The following ACTR3B variants were observed in gnomAD, a reference collection of about 807,000 sequenced individuals.
The protein encoded by ACTR3B is actin-related protein 3B.
In ACTR3B, 8 loss-of-function variants were observed where a neutral mutation model predicts 59.0. The observed-to-expected ratio is 0.14, with a 90% CI of 0.08 to 0.24. ACTR3B has a LOEUF of 0.24. Among genes scored for constraint, ACTR3B ranks in the 10% least tolerant of loss-of-function variants. ACTR3B has a pLI of 1.00. For synonymous variants in ACTR3B, 148 were observed against 197.9 expected, an observed-to-expected ratio of 0.75 and a Z score of 2.12; for missense variants, 245 against 552.3, an observed-to-expected ratio of 0.44 and a Z score of 5.58.
At chr7:152,845,482 C>G (rs191079252) in intron 9 of ACTR3B, among the ~76,000 whole-genome samples, 1 of 152,208 alleles carries the variant, frequency 6.6e-6, no homozygotes, top group Non-Finnish European at 1.5e-5. Flanking sequence ...GAGTGCTGAC[C>G]GCAAGGAGCT....
chr7:152,783,399 A>C (rs957714145), intron 2 of ACTR3B, among the ~76,000 whole-genome samples, 157 bp downstream of exon 2: 1 of 152,232 alleles, frequency 6.6e-6, no homozygotes, highest in Non-Finnish European at 1.5e-5. Flanking sequence ...CTTCTGTTCC[A>C]TTCTGATAAA....
At chr7:152,814,884 T>G (rs1795563631) in intron 5 of ACTR3B, among the ~76,000 whole-genome samples, 1 of 152,244 alleles carries the variant, frequency 6.6e-6, no homozygotes, top group African/African-American at 2.4e-5. Flanking sequence ...CATTAAAGTC[T>G]AATGCATTTT....
intron 2 of ACTR3B, 85 bp from the exon 3 acceptor site, chr7:152,800,446 T>C (rs1004872260): frequency 4.7e-6 from 7 of 1,502,378 alleles, no homozygotes; most frequent in South Asian, 4.0e-5. Flanking sequence ...AATTTACTTG[T>C]GTGTATATAA....
intron 2 of ACTR3B, among the ~76,000 whole-genome samples, chr7:152,797,548 G>T (rs1458098920): frequency 1.3e-5 from 2 of 152,126 alleles, no homozygotes; most frequent in Admixed American, 1.3e-4. Context: ...CACATAACAC[G>T]TACTCTACAT....
chr7:152,769,770 T>C (rs1025448792), intron 1 of ACTR3B, among the ~76,000 whole-genome samples: 32 of 152,054 alleles, frequency 2.1e-4, no homozygotes, highest in Non-Finnish European at 3.8e-4. Context: ...GTCCTTTTAT[T>C]TGTGGCTGTT....
intron 1 of ACTR3B, among the ~76,000 whole-genome samples, chr7:152,766,557 C>G (rs533059308): frequency 6.6e-6 from 1 of 152,190 alleles, no homozygotes; most frequent in Non-Finnish European, 1.5e-5. Context: ...TTCTAAGAGA[C>G]AGCAGTCTCA....
chr7:152,835,232 C>T (rs1300863620), intron 9 of ACTR3B, among the ~76,000 whole-genome samples: 1 of 152,214 alleles, frequency 6.6e-6, no homozygotes, highest in Non-Finnish European at 1.5e-5. Context: ...CCAGCCCCTG[C>T]GTCCTCAGGT....
intron 4 of ACTR3B, among the ~76,000 whole-genome samples, chr7:152,804,164 T>A (rs1168410549): frequency 2.0e-5 from 3 of 152,140 alleles, no homozygotes; most frequent in Non-Finnish European, 4.4e-5. Context: ...TTACACTGGT[T>A]ATGTGGACTG....
chr7:152,806,686 A>G (rs2116770020), intron 4 of ACTR3B, among the ~76,000 whole-genome samples: 1 of 152,298 alleles, frequency 6.6e-6, no homozygotes, highest in East Asian at 1.9e-4. Context: ...CTACTACTTG[A>G]GTCTACCTCA....
intron 9 of ACTR3B, among the ~76,000 whole-genome samples, chr7:152,843,919 C>T (rs1798063578): frequency 6.6e-6 from 1 of 152,118 alleles, no homozygotes; most frequent in Non-Finnish European, 1.5e-5. Context: ...CTCCCCGCTC[C>T]TAGATGTGTG....
chr7:152,793,926 GGAGGAGCTCCATGT>G lies in ACTR3B; in HGVS notation c.101-6604_101-6591del, dbSNP rs543352997. 4.0e-3 allele frequency among the ~76,000 whole-genome samples: 608 copies of G among 152,050 alleles called. 5 individuals are homozygous for G. Among genetic ancestry groups the G allele is most frequent in the African/African-American group, 0.013 (553 of 41,454 alleles). On this transcript the variant is annotated intron_variant, in intron 2 of 11. Transcript: ENST00000256001. ...TTGGCCTTTGTTGACACTCACTTGG[GGAGGAGCTCCATGT>G]TACTGCTGGGCTGGGGTGGAAGTGG...
intron 2 of ACTR3B, among the ~76,000 whole-genome samples, chr7:152,793,654 T>TTA (rs1320098737): frequency 6.7e-6 from 1 of 149,658 alleles, no homozygotes; most frequent in Non-Finnish European, 1.5e-5. Context: ...TGTTTGATAA[T>TTA]TATAATGTCT....
intron 9 of ACTR3B, among the ~76,000 whole-genome samples, chr7:152,846,138 C>T (rs1365160849): frequency 5.9e-5 from 9 of 151,848 alleles, no homozygotes; most frequent in African/African-American, 2.2e-4. Context: ...CTGCAGTGAG[C>T]TCTAGTGCCC....
intron 9 of ACTR3B, among the ~76,000 whole-genome samples, chr7:152,847,001 G>A (rs148528219): frequency 0.012 from 1,812 of 149,136 alleles, 27 homozygotes; most frequent in African/African-American, 0.042. Context: ...GCTGCAGTCT[G>A]CAGTGAGCTC....
intron 9 of ACTR3B, among the ~76,000 whole-genome samples, chr7:152,828,143 T>C (rs78601213): frequency 5.9e-5 from 9 of 152,298 alleles, no homozygotes; most frequent in African/African-American, 1.2e-4. Flanking sequence ...CTCGTTCTAA[T>C]ACTGTCCGGG....
rs535022020 is a variant in ACTR3B at position 152,800,677 on chromosome 7, G to T, written c.225+22G>T. The T allele has an allele frequency of 2.0e-4, 323 of 1,612,056 alleles. No homozygotes were observed. In the Admixed American group the frequency reaches 5.3e-3, roughly 27 times the overall value. On this transcript the variant is annotated intron_variant, in intron 3 of 11. Coordinates refer to ENST00000256001, the MANE Select transcript of ACTR3B (RefSeq NM_020445.6). The stretch of plus-strand genomic sequence containing the variant: ...AAAGGTAAATTTCCGACAGGTGTTT[G>T]CTTCTCTAAGTGTAGAGTAGTAGGA...
rs368701446 is a variant in ACTR3B at position 152,854,785 on chromosome 7, C to CCCT, written c.*247_*249dup. The CCCT allele has an allele frequency of 1.2e-3, 575 of 480,722 alleles. 5 individuals carry two copies. Among genetic ancestry groups the CCCT allele is most frequent in the African/African-American group, 0.011 (542 of 50,930 alleles). 29.8% of individuals were successfully genotyped at this position (480,722 alleles called of 1,614,324 possible). On this transcript the variant is annotated 3_prime_UTR_variant, in exon 12 of 12. Coordinates refer to ENST00000256001, the MANE Select transcript of ACTR3B (RefSeq NM_020445.6). The surrounding 1 kb of genome is among the most constrained non-coding windows in gnomAD (Gnocchi z 4.9). ...CTCCCGCCCTCCTCACCCTCGCTCTCCCTCCTCCTCCTCCTCCGAGCTGCT... is the reference window on the plus strand; with the variant it reads ...CTCCCGCCCTCCTCACCCTCGCTCTCCCTCCTCCTCCTCCTCCTCCGAGCTGCT...
chr7:152,788,027 T>C (rs1461569879), intron 2 of ACTR3B, among the ~76,000 whole-genome samples: 1 of 151,974 alleles, frequency 6.6e-6, no homozygotes, highest in Admixed American at 6.6e-5. Flanking sequence ...CAGGTTCAAA[T>C]GATTCTCCTG....
chr7:152,829,092 G>A (rs1224034383), intron 9 of ACTR3B, among the ~76,000 whole-genome samples: 1 of 151,730 alleles, frequency 6.6e-6, no homozygotes, highest in Non-Finnish European at 1.5e-5. Flanking sequence ...CAGGAAAATT[G>A]TGCATATTTA....
Sources: allele counts gnomAD v4.1 joint callset (sites outside exome capture counted in the v4.1 genomes callset), GRCh38; gene constraint gnomAD v4.1.1; non-coding constraint Gnocchi (gnomAD v3.1); transcripts MANE v1.5; gene names NCBI Gene and HGNC (gene_info 2026-07-23, HGNC 2026-07-21).